The following LOXL4 variants were observed in gnomAD, a reference collection of about 807,000 sequenced individuals.
The protein encoded by LOXL4 is lysyl oxidase like 4.
In LOXL4, 72 loss-of-function variants were observed where a neutral mutation model predicts 89.1. That is an observed-to-expected ratio of 0.81 (90% CI 0.67 to 0.98). The LOEUF (loss-of-function observed/expected upper bound fraction) is 0.98, where lower values mean the gene tolerates loss of function less well. LOXL4 is among the 50% of genes least tolerant of loss of function. LOXL4 has a pLI of 0.00. For synonymous variants in LOXL4, 355 were observed against 392.1 expected, an observed-to-expected ratio of 0.91 and a Z score of 1.12; for missense variants, 984 against 1,017.5, an observed-to-expected ratio of 0.97 and a Z score of 0.45.
intron 2 of LOXL4, 61 bp downstream of exon 2, chr10:98,262,682 C>A: frequency 6.4e-7 from 1 of 1,565,676 alleles, no homozygotes; most frequent in Non-Finnish European, 8.7e-7. Context: ...GTCAGTGAGC[C>A]CAGCCCAAGA....
intron 14 of LOXL4, among the ~76,000 whole-genome samples, chr10:98,249,395 T>C (rs1442788080): frequency 6.6e-6 from 1 of 152,190 alleles, no homozygotes; most frequent in Non-Finnish European, 1.5e-5. Flanking sequence ...GGATATTCCT[T>C]CCCCTACTTT....
At chr10:98,261,892 C>T in intron 3 of LOXL4, 143 bp downstream of exon 3, 1 of 853,852 alleles carries the variant, frequency 1.2e-6, no homozygotes, top group East Asian at 3.0e-5. Flanking sequence ...GCAGGGCACA[C>T]TCAGGAGTCG....
chr10:98,258,923 TC>T, intron 6 of LOXL4, 85 bp downstream of exon 6: 1 of 1,062,530 alleles, frequency 9.4e-7, no homozygotes, highest in Non-Finnish European at 1.4e-6. Flanking sequence ...CTCCTGCGTG[TC>T]CTGGACCTCC....
rs113644121 is a variant in LOXL4, at chr10:98,251,462, C to G, written c.2088+104G>C. 9 of 1,504,146 alleles carry G rather than the reference C, an allele frequency of 6.0e-6. No homozygotes were observed. The South Asian group carries it at 7.7e-5, about 13-fold the overall frequency. 93.2% of individuals were successfully genotyped at this position (1,504,146 alleles called of 1,614,324 possible). On this transcript the variant is annotated intron_variant, in intron 13 of 14. Transcript: ENST00000260702. The stretch of plus-strand genomic sequence containing the variant: ...CAGCTCCTTTAAGTGACAGGCCTGT[C>G]GGAAACCCTGTATGGGAAATTCTTC...
chr10:98,260,739 T>G (rs780746549), intron 4 of LOXL4, among the ~76,000 whole-genome samples, 183 bp downstream of exon 4: 1 of 152,100 alleles, frequency 6.6e-6, no homozygotes, highest in Non-Finnish European at 1.5e-5. Flanking sequence ...CACTGAACTC[T>G]GCGAGGTCCC....
chr10:98,261,972 G>C (rs1416611167), intron 3 of LOXL4, 63 bp downstream of exon 3: 2 of 1,490,370 alleles, frequency 1.3e-6, no homozygotes, highest in Admixed American at 2.3e-5. Context: ...CCCGTCTTCT[G>C]GGAGGCTCTC....
In LOXL4 at chr10:98,259,422, A is replaced by G; in HGVS notation, c.670T>C (p.Trp224Arg). Residue 224 changes from tryptophan to arginine, a missense_variant, in exon 5 of 15, where the codon TGG becomes CGG. By Grantham distance (101) the Trp-to-Arg change is moderately radical. Coordinates refer to ENST00000260702, the MANE Select transcript of LOXL4 (RefSeq NM_032211.7). ...PVDSHYYRKV[W>R]DLKMRDPKSR... ...TTAGGGTCCCTCATCTTCAGATCCCAGACTTTCCTGTTATGGGAGAAAACA... is the reference window on the plus strand; with the variant it reads ...TTAGGGTCCCTCATCTTCAGATCCCGGACTTTCCTGTTATGGGAGAAAACA... 6.2e-7 allele frequency: 1 copy of G among 1,613,142 alleles called. No homozygotes were observed. The highest frequency in any genetic ancestry group is 8.5e-7 in the Non-Finnish European group (1 of 1,179,756).
At chr10:98,251,317 C>CTATCTGTAATATGGGA in intron 13 of LOXL4, 141 bp from the exon 14 acceptor site, 1 of 811,084 alleles carries the variant, frequency 1.2e-6, no homozygotes, top group Non-Finnish European at 2.0e-6. Context: ...CTGATGTTCC[C>CTATCTGTAATATGGGA]ATTTTACAGA....
chr10:98,261,919 G>C, intron 3 of LOXL4, 116 bp downstream of exon 3: 1 of 1,087,786 alleles, frequency 9.2e-7, no homozygotes, highest in Non-Finnish European at 1.3e-6. Context: ...TGGGGACGAT[G>C]CTCAGTGCAG....
intron 10 of LOXL4, among the ~76,000 whole-genome samples, chr10:98,254,108 T>A (rs902437595): frequency 6.6e-6 from 1 of 152,210 alleles, no homozygotes; most frequent in Non-Finnish European, 1.5e-5. Context: ...CCATTTTGTC[T>A]CTCATTTTCA....
At chr10:98,258,481 C>T (rs2015972) in intron 6 of LOXL4, among the ~76,000 whole-genome samples, 64,038 of 151,052 alleles carry the variant, frequency 0.42, 14,586 homozygotes, top group East Asian at 0.74. Flanking sequence ...TACCACCTCA[C>T]GAGGCTATCT....
intron 2 of LOXL4, 65 bp from the exon 3 acceptor site, chr10:98,262,278 A>G (rs1348384747): frequency 1.9e-6 from 3 of 1,551,772 alleles, no homozygotes; most frequent in Middle Eastern, 1.7e-4. Context: ...TGCCTCCTGC[A>G]TAGGACCCCA....
chr10:98,264,832 C>T (rs758199639), intron 1 of LOXL4, among the ~76,000 whole-genome samples: 2 of 149,546 alleles, frequency 1.3e-5, no homozygotes, highest in African/African-American at 4.9e-5. Flanking sequence ...TAAGAAAGCT[C>T]GTTCTGATGA....
chr10:98,263,023 G>T lies in LOXL4; in HGVS notation c.-4C>A. 6.2e-7 allele frequency: 1 copy of T among 1,611,546 alleles called. No homozygotes were observed. Among genetic ancestry groups the T allele is most frequent in the South Asian group, 1.1e-5 (1 of 90,994 alleles). On this transcript the variant is annotated 5_prime_UTR_variant, in exon 2 of 15. Transcript: ENST00000260702. ...TGGCTGGTGGGGACCACGCCATGGT[G>T]ACTTCAAGGACAGCTGAGGCCAAGA... is the stretch of plus-strand genomic sequence containing the variant.
intron 11 of LOXL4, among the ~76,000 whole-genome samples, chr10:98,253,072 T>C (rs1858250661): frequency 6.6e-6 from 1 of 152,240 alleles, no homozygotes; most frequent in Non-Finnish European, 1.5e-5. Flanking sequence ...GGAAAGAATG[T>C]TCATTGTCAC....
At position 98,251,565 on chromosome 10, in the gene LOXL4, C is replaced by T. The variant is rs764110690; in HGVS notation, c.2088+1G>A. 5 of 1,613,934 alleles carry T rather than the reference C, an allele frequency of 3.1e-6. No individual in the cohort carries two copies. The African/African-American group carries it at 6.7e-5, about 22-fold the overall frequency. ...TGTGGGGAATCCCCCAGCCGCCTTA[C>T]CTGGAAGATATAATTCCCGGGGCCC... is the stretch of plus-strand genomic sequence containing the variant. On this transcript the variant is annotated splice_donor_variant, in intron 13 of 14. Coordinates refer to ENST00000260702, the MANE Select transcript of LOXL4 (RefSeq NM_032211.7). LOFTEE classifies it high-confidence loss of function.
chr10:98,250,111 C>T (rs1369551939), intron 14 of LOXL4, among the ~76,000 whole-genome samples: 1 of 152,210 alleles, frequency 6.6e-6, no homozygotes, highest in Non-Finnish European at 1.5e-5. Context: ...TCGTGATTTC[C>T]TCACTGTCCT....
intron 9 of LOXL4, chr10:98,256,498 C>G (rs927323215): frequency 2.2e-6 from 1 of 461,284 alleles, no homozygotes; most frequent in African/African-American, 2.0e-5. Flanking sequence ...TCTCTGGCCA[C>G]AGGGCTTTTG....
At chr10:98,263,875 C>CAT in intron 1 of LOXL4, among the ~76,000 whole-genome samples, 1 of 151,906 alleles carries the variant, frequency 6.6e-6, no homozygotes, top group South Asian at 2.1e-4. Flanking sequence ...GGATTACAGG[C>CAT]GCCCACCACC....
Sources: allele counts gnomAD v4.1 joint callset (sites outside exome capture counted in the v4.1 genomes callset), GRCh38; gene constraint gnomAD v4.1.1; transcripts MANE v1.5; gene names NCBI Gene and HGNC (gene_info 2026-07-23, HGNC 2026-07-21).